The following LNX1 variants were observed in gnomAD, a reference collection of about 807,000 sequenced individuals.
LNX1 encodes the protein ligand of numb-protein X 1.
In LNX1, 54 loss-of-function variants were observed where a neutral mutation model predicts 68.4. That is an observed-to-expected ratio of 0.79 (90% confidence interval 0.63 to 0.99). The LOEUF is 0.99. Among genes scored for constraint, LNX1 ranks in the 50% least tolerant of loss-of-function variants. The probability of loss-of-function intolerance (pLI) is 0.00; values close to 1 mark genes in which losing one functional copy is unlikely to be tolerated. For synonymous variants in LNX1, 336 were observed against 350.0 expected, an observed-to-expected ratio of 0.96 and a Z score of 0.45; for missense variants, 906 against 926.4, an observed-to-expected ratio of 0.98 and a Z score of 0.29.
chr4:53,473,087 AAAAAG>A (rs951168112), intron 9 of LNX1, among the ~76,000 whole-genome samples: 38 of 152,296 alleles, frequency 2.5e-4, no homozygotes, highest in African/African-American at 6.7e-4. Context: ...AGTGAGGTAA[AAAAAG>A]AAAAGAAAAG....
At position 53,614,016 on chromosome 4, in the gene LNX1, G is replaced by C. The variant is rs144168008; in HGVS notation, c.-215+2501C>G. On this transcript the variant is annotated intron_variant, in intron 2 of 3. Coordinates refer to the LNX1 transcript ENST00000504299. ...TTTTTGATAATAGCCGTTCTGACTG[G>C]TGTGAGATGGTATCTTATTGTGGTT... 6.5e-4 allele frequency among the ~76,000 whole-genome samples: 99 copies of C among 152,238 alleles called. No individual in the cohort carries two copies. The East Asian group carries it at 0.014, about 22-fold the overall frequency.
At chr4:53,615,135 A>C (rs987202206) in intron 2 of LNX1, among the ~76,000 whole-genome samples, 1 of 152,222 alleles carries the variant, frequency 6.6e-6, no homozygotes, top group African/African-American at 2.4e-5. Context: ...CCACGATTGA[A>C]ACAGTAGAAA....
chr4:53,578,371 T>C (rs1731627798), intron 1 of LNX1, among the ~76,000 whole-genome samples: 2 of 152,198 alleles, frequency 1.3e-5, no homozygotes, highest in African/African-American at 4.8e-5. Flanking sequence ...ATACACCATA[T>C]AGATGTGTAG....
At chr4:53,576,052 C>T (rs1226175031) in intron 1 of LNX1, 4 of 1,562,698 alleles carry the variant, frequency 2.6e-6, no homozygotes, top group Non-Finnish European at 3.5e-6. Context: ...GGACCAGCTC[C>T]AGGAACTCTG....
intron 6 of LNX1, among the ~76,000 whole-genome samples, chr4:53,482,107 T>C (rs1165921413): frequency 6.6e-6 from 1 of 152,236 alleles, no homozygotes; most frequent in African/African-American, 2.4e-5. Context: ...CCTTCCAATC[T>C]TTGAAAAGGC....
At position 53,521,310 on chromosome 4, in the gene LNX1, G is replaced by C. The variant is rs147952640; in HGVS notation, c.381-13083C>G. Among the ~76,000 whole-genome samples the C allele has an allele frequency of 4.4e-3, 669 of 152,292 alleles. 7 individuals are homozygous for C. Among genetic ancestry groups the C allele is most frequent in the African/African-American group, 0.015 (630 of 41,552 alleles). ...GTCAGAGCTTGATATCGAGATGGAG[G>C]TGTGGGGGAAGGTGAAAATCATTCC... On this transcript the variant is annotated intron_variant, in intron 2 of 10. Transcript: ENST00000263925.
rs372872732 is a variant in LNX1 at position 53,496,039 on chromosome 4, G to A, written c.1334C>T (p.Ala445Val). 6.1e-5 allele frequency: 98 copies of A among 1,612,960 alleles called. No individual in the cohort carries two copies. Among genetic ancestry groups the A allele is most frequent in the Non-Finnish European group, 7.1e-5 (84 of 1,179,152 alleles). The change falls in exon 6 of 11, where the codon GCG becomes GTG. Residue 445 changes from alanine (A) to valine (V), a missense_variant. Transcript: ENST00000263925. ...HDLRYGSPES[A>V]AHLIQASERR... ...CTGACTCACCTGAATCAGATGAGCCGCACTTTCTGGGCTGCCATATCGAAG... is the reference window on the plus strand; with the variant it reads ...CTGACTCACCTGAATCAGATGAGCCACACTTTCTGGGCTGCCATATCGAAG...
chr4:53,532,034 C>G (rs1728055852), intron 2 of LNX1, among the ~76,000 whole-genome samples: 2 of 152,184 alleles, frequency 1.3e-5, no homozygotes, highest in South Asian at 4.1e-4. Flanking sequence ...AAGACAAAAG[C>G]TGACACCCCA....
intron 10 of LNX1, 142 bp from the exon 11 acceptor site, chr4:53,461,184 C>CTT: frequency 2.6e-6 from 2 of 759,600 alleles, no homozygotes; most frequent in South Asian, 2.1e-5. Flanking sequence ...TTTCTTGCCT[C>CTT]TTATTTACAT....
intron 2 of LNX1, among the ~76,000 whole-genome samples, chr4:53,544,205 T>C (rs1241995357): frequency 6.7e-6 from 1 of 148,342 alleles, no homozygotes; most frequent in African/African-American, 2.5e-5. Flanking sequence ...TCTCTCTCTC[T>C]TTTTTTTTTG....
At position 53,498,859 on chromosome 4, in the gene LNX1, AGT is replaced by A; in HGVS notation, c.776-18_776-17del. 1 of 1,600,654 alleles carries A rather than the reference AGT, an allele frequency of 6.2e-7. No individual in the cohort carries two copies. On this transcript the variant is annotated splice_polypyrimidine_tract_variant and intron_variant, in intron 4 of 10. Transcript: ENST00000263925. ...CTTGGAAAGACTGAAATGGACAAAGAGTGTTTATTTAAGACACCCACCCAATG... is the reference window on the plus strand; with the variant it reads ...CTTGGAAAGACTGAAATGGACAAAGAGTTTATTTAAGACACCCACCCAATG...
At chr4:53,635,264 T>G (rs3942650) in intron 1 of LNX1, among the ~76,000 whole-genome samples, 1 of 151,912 alleles carries the variant, frequency 6.6e-6, no homozygotes, top group South Asian at 2.1e-4. Context: ...AGAGGCCAGA[T>G]GTGGAGAGAG....
chr4:53,554,614 G>A (rs1729761637), intron 2 of LNX1, among the ~76,000 whole-genome samples: 1 of 152,196 alleles, frequency 6.6e-6, no homozygotes, highest in Non-Finnish European at 1.5e-5. Context: ...AGCACTTTGG[G>A]AGGCCAAGGT....
chr4:53,532,693 C>T (rs1376434586), intron 2 of LNX1, among the ~76,000 whole-genome samples: 1 of 152,176 alleles, frequency 6.6e-6, no homozygotes, highest in African/African-American at 2.4e-5. Flanking sequence ...AGGAGACAGA[C>T]TAAACAGAAT....
Position 53,538,147 on chromosome 4 carries a change from T to C in LNX1, c.381-29920A>G, listed in dbSNP as rs56388080. On this transcript the variant is annotated intron_variant, in intron 2 of 10. Coordinates refer to ENST00000263925, the MANE Select transcript of LNX1 (RefSeq NM_001126328.3). ...CAAAACAAAACAATCACAAACTCAC[T>C]CCCAAGCACAGAATCCAGAGGAAAG... 8.0e-3 allele frequency among the ~76,000 whole-genome samples: 1,214 copies of C among 152,148 alleles called. 20 individuals carry two copies. The highest frequency in any genetic ancestry group is 0.028 in the African/African-American group (1,152 of 41,462).
chr4:53,616,392 A>G (rs528155723), intron 2 of LNX1: 63 of 152,322 alleles, frequency 4.1e-4, no homozygotes, highest in African/African-American at 1.5e-3. Context: ...TCAGCAGCAC[A>G]TGATTGGTGG....
chr4:53,469,330 C>T (rs1722964397), intron 9 of LNX1, among the ~76,000 whole-genome samples: 1 of 152,054 alleles, frequency 6.6e-6, no homozygotes, highest in Admixed American at 6.6e-5. Context: ...CTCTGGGACA[C>T]ATTCAAAGCA....
At chr4:53,507,180 A>C (rs1251262988) in intron 4 of LNX1, 137 bp downstream of exon 4, 5 of 862,016 alleles carry the variant, frequency 5.8e-6, no homozygotes, top group Non-Finnish European at 8.9e-6. Context: ...GAAGTAGGCT[A>C]ATCAAAGTAA....
chr4:53,467,591 G>A (rs947599944), intron 9 of LNX1, among the ~76,000 whole-genome samples: 2 of 151,844 alleles, frequency 1.3e-5, no homozygotes, highest in Admixed American at 1.3e-4. Flanking sequence ...TAAAAACCTT[G>A]AAAAAAAATT....
Sources: allele counts gnomAD v4.1 joint callset (sites outside exome capture counted in the v4.1 genomes callset), GRCh38; gene constraint gnomAD v4.1.1; transcripts MANE v1.5; gene names NCBI Gene and HGNC (gene_info 2026-07-23, HGNC 2026-07-21).